Variants in ABHD2 observed in about 807,000 individuals in gnomAD.
ABHD2 encodes monoacylglycerol lipase ABHD2.
ABHD2 carries 20 observed loss-of-function variants against 48.1 expected under a neutral mutation model. That is an observed-to-expected ratio of 0.42 (90% CI 0.29 to 0.60). The LOEUF (loss-of-function observed/expected upper bound fraction) is 0.60, where lower values mean the gene tolerates loss of function less well. ABHD2 is among the 20% of genes least tolerant of loss of function. The pLI is 0.24. For synonymous variants in ABHD2, 209 were observed against 214.2 expected (o/e 0.98, Z 0.21); for missense variants, 405 against 550.9 (o/e 0.74, Z 2.65).
intron 5 of ABHD2, among the ~76,000 whole-genome samples, chr15:89,157,533 G>T (rs1319667712): frequency 2.6e-5 from 4 of 152,102 alleles, no homozygotes; most frequent in African/African-American, 7.2e-5. Context: ...CAGCAGTTTG[G>T]TCAGTAGCTT....
At chr15:89,074,117 T>C in the ABHD2 span, among the ~76,000 whole-genome samples, 73 of 152,166 alleles carry the variant, frequency 4.8e-4, no homozygotes, top group Non-Finnish European at 8.8e-4. Flanking sequence ...CTCACGCCTG[T>C]AATCCCAGCA....
At chr15:89,115,227 C>G (rs142578542) in intron 2 of ABHD2, among the ~76,000 whole-genome samples, 456 of 152,278 alleles carry the variant, frequency 3.0e-3, no homozygotes, top group Non-Finnish European at 5.1e-3. Flanking sequence ...ACCATTTTCT[C>G]TTTTTTGTTA....
chr15:89,114,567 A>G lies in ABHD2; in HGVS notation c.-7+743A>G, dbSNP rs567735826. On this transcript the variant is annotated intron_variant, in intron 2 of 10. Coordinates refer to ENST00000352732, the MANE Select transcript of ABHD2 (RefSeq NM_152924.5). The surrounding 1 kb of genome is among the most constrained non-coding windows in gnomAD (Gnocchi z 4.2). ...GTGTGATCTTGGCTCACTGCAACCT[A>G]TGCTTTCCGGGTTCAAGTGATCCTC... 6.6e-6 allele frequency among the ~76,000 whole-genome samples: 1 copy of G among 152,048 alleles called. No individual in the cohort carries two copies. The highest frequency in any genetic ancestry group is 1.9e-4 in the East Asian group (1 of 5,154).
rs187571842 is a variant in ABHD2 at position 89,092,274 on chromosome 15, T to G, written c.-107+3711T>G. Among the ~76,000 whole-genome samples the G allele has an allele frequency of 6.6e-6, 1 of 152,124 alleles. No individual in the cohort carries two copies. The highest frequency in any genetic ancestry group is 1.5e-5 in the Non-Finnish European group (1 of 68,018). On this transcript the variant is annotated intron_variant, in intron 1 of 10. Transcript: ENST00000352732. This position sits in a 1 kb window ranked among gnomAD's most constrained non-coding sequence, Gnocchi z 4.4. ...AATAAATAGCAGACAGGTGAAGAGC[T>G]TTTTAGAGAAGTGGAACGTTGGTAC...
At chr15:89,109,625 G>C (rs1227900642) in intron 1 of ABHD2, among the ~76,000 whole-genome samples, 1 of 152,118 alleles carries the variant, frequency 6.6e-6, no homozygotes, top group Non-Finnish European at 1.5e-5. Context: ...TAATACAATG[G>C]AATCAGAGTT....
Position 89,201,945 on chromosome 15 carries a change from C to A in ABHD2, c.*6522C>A. ...CATTCTTATGTTGGCAGATCTGCTT[C>A]CAGATTGATTTTTAGAGCACCATCA... is the stretch of plus-strand genomic sequence containing the variant. On this transcript the variant is annotated 3_prime_UTR_variant, in exon 11 of 11. Transcript: ENST00000352732. 2.0e-6 allele frequency: 1 copy of A among 509,350 alleles called. No homozygotes were observed. Among genetic ancestry groups the A allele is most frequent in the South Asian group, 2.7e-5 (1 of 36,544 alleles). 31.6% of individuals were successfully genotyped at this position (509,350 alleles called of 1,614,324 possible). A position where few individuals can be genotyped will look rare whatever the true frequency, so the allele number is the denominator to read the frequency against.
intron 6 of ABHD2, among the ~76,000 whole-genome samples, chr15:89,181,047 G>A (rs914567080): frequency 1.3e-5 from 2 of 151,920 alleles, no homozygotes; most frequent in African/African-American, 4.8e-5. Context: ...CCAACATGGT[G>A]AAACACCACC....
intron 1 of ABHD2, among the ~76,000 whole-genome samples, chr15:89,095,824 G>T (rs989038198): frequency 6.6e-6 from 1 of 152,094 alleles, no homozygotes; most frequent in East Asian, 1.9e-4. Context: ...TTTTGGTTTC[G>T]TGTTAATGAT....
In ABHD2 at chr15:89,116,212, G is replaced by A; in HGVS notation, c.-6-110G>A. The A allele has an allele frequency of 9.8e-7, 1 of 1,022,416 alleles. No homozygotes were observed. Among genetic ancestry groups the A allele is most frequent in the Non-Finnish European group, 1.4e-6 (1 of 692,626 alleles). 63.3% of individuals were successfully genotyped at this position (1,022,416 alleles called of 1,614,324 possible). On this transcript the variant is annotated intron_variant, in intron 2 of 10. Coordinates refer to ENST00000352732, the MANE Select transcript of ABHD2 (RefSeq NM_152924.5). The surrounding 1 kb of genome is among the most constrained non-coding windows in gnomAD (Gnocchi z 4.6). ...GAGCCTGCGGAAACATCTGAATTGT[G>A]ACACACCGTCACTGGCAGTATCTCT...
chr15:89,143,812 A>C (rs947844167), intron 3 of ABHD2, among the ~76,000 whole-genome samples: 1 of 152,150 alleles, frequency 6.6e-6, no homozygotes, highest in African/African-American at 2.4e-5. Context: ...TGCACATCAA[A>C]ACCACCAAGA....
At chr15:89,090,921 G>A (rs1042857135) in intron 1 of ABHD2, among the ~76,000 whole-genome samples, 1 of 152,184 alleles carries the variant, frequency 6.6e-6, no homozygotes, top group African/African-American at 2.4e-5. Context: ...TTAGTCATTC[G>A]AATAGGGGGA....
chr15:89,064,676 C>T, the ABHD2 span, among the ~76,000 whole-genome samples: 4 of 151,962 alleles, frequency 2.6e-5, no homozygotes, highest in Admixed American at 1.3e-4. Context: ...TGGTATATTG[C>T]TCAACAGATA....
intron 3 of ABHD2, among the ~76,000 whole-genome samples, chr15:89,139,865 C>G (rs1347826851): frequency 6.6e-6 from 1 of 152,180 alleles, no homozygotes; most frequent in Non-Finnish European, 1.5e-5. Context: ...TCCTAACAGT[C>G]TTGGCACCTA....
At position 89,104,196 on chromosome 15, in the gene ABHD2, G is replaced by A. The variant is rs980751854; in HGVS notation, c.-106-9529G>A. On this transcript the variant is annotated intron_variant, in intron 1 of 10. Transcript: ENST00000352732. The surrounding 1 kb of genome is among the most constrained non-coding windows in gnomAD (Gnocchi z 4.4). ...CTGTGTAACAGGGTCTGGTGGCCGAGCCCTGAGGGGCGCTGTTGCTCCCAG... is the reference window on the plus strand; with the variant it reads ...CTGTGTAACAGGGTCTGGTGGCCGAACCCTGAGGGGCGCTGTTGCTCCCAG... 6.6e-6 allele frequency: 1 copy of A among 152,248 alleles called. No individual in the cohort carries two copies. The highest frequency in any genetic ancestry group is 2.4e-5 in the African/African-American group (1 of 41,456). The allele number at this position is 152,248 out of a possible 1,614,324, so 9.4% of individuals were successfully genotyped here.
chr15:89,055,297 C>G, the ABHD2 span, among the ~76,000 whole-genome samples: 1 of 149,844 alleles, frequency 6.7e-6, no homozygotes, highest in Admixed American at 6.7e-5. Flanking sequence ...TTAGGACTAT[C>G]TCCCACAAAA....
Position 89,166,053 on chromosome 15 carries a change from G to A in ABHD2, c.539-9759G>A, listed in dbSNP as rs149526395. On this transcript the variant is annotated intron_variant, in intron 5 of 10. Transcript: ENST00000352732. This position sits in a 1 kb window ranked among gnomAD's most constrained non-coding sequence, Gnocchi z 4.6. ...CATATCATACCTTCATATCTTGAAA[G>A]TTTTATCACCAGAAAATCAAGAGCC... Among the ~76,000 whole-genome samples the A allele has an allele frequency of 1.8e-4, 28 of 152,310 alleles. No individual in the cohort carries two copies. The highest frequency in any genetic ancestry group is 6.5e-4 in the African/African-American group (27 of 41,562).
At chr15:89,050,737 A>G in the ABHD2 span, among the ~76,000 whole-genome samples, 1 of 152,174 alleles carries the variant, frequency 6.6e-6, no homozygotes, top group Non-Finnish European at 1.5e-5. Flanking sequence ...CCACCTTCCC[A>G]GTTCCCTCAG....
At chr15:89,056,744 T>C in the ABHD2 span, among the ~76,000 whole-genome samples, 64,692 of 151,998 alleles carry the variant, frequency 0.43, 15,963 homozygotes, top group Non-Finnish European at 0.57. Flanking sequence ...TATTACAACA[T>C]GACCTTGAGT....
rs138507663 is a variant in ABHD2 at position 89,094,989 on chromosome 15, G to C, written c.-107+6426G>C. 1.8e-3 allele frequency among the ~76,000 whole-genome samples: 271 copies of C among 149,740 alleles called. No individual in the cohort carries two copies. Among genetic ancestry groups the C allele is most frequent in the African/African-American group, 6.2e-3 (253 of 40,560 alleles). On this transcript the variant is annotated intron_variant, in intron 1 of 10. Transcript: ENST00000352732. This position sits in a 1 kb window ranked among gnomAD's most constrained non-coding sequence, Gnocchi z 4.7. ...TGAAGCAGGAGAATCACTTGAACCCGGGAGGCAGAGGTTCCGGTGAGCCAA... is the reference window on the plus strand; with the variant it reads ...TGAAGCAGGAGAATCACTTGAACCCCGGAGGCAGAGGTTCCGGTGAGCCAA...
Sources: allele counts gnomAD v4.1 joint callset (sites outside exome capture counted in the v4.1 genomes callset), GRCh38; gene constraint gnomAD v4.1.1; non-coding constraint Gnocchi (gnomAD v3.1); transcripts MANE v1.5; gene names NCBI Gene and HGNC (gene_info 2026-07-23, HGNC 2026-07-21).